The following DDX60 variants were observed in gnomAD, a reference collection of about 807,000 sequenced individuals.
DDX60 encodes the protein probable ATP-dependent RNA helicase DDX60.
DDX60 carries 165 observed loss-of-function variants against 212.8 expected under a neutral mutation model. The observed-to-expected ratio is 0.78, with a 90% CI of 0.68 to 0.88. The LOEUF is 0.88. Ranked by LOEUF, DDX60 falls within the 40% of genes least tolerant of loss-of-function variation. DDX60 has a pLI of 0.00. For synonymous variants in DDX60, 703 were observed against 685.3 expected (o/e 1.03, Z -0.40); for missense variants, 1,905 against 2,003.9 (o/e 0.95, Z 0.94).
intron 33 of DDX60, among the ~76,000 whole-genome samples, chr4:168,233,482 G>A (rs930479260): frequency 1.3e-5 from 2 of 152,054 alleles, no homozygotes; most frequent in African/African-American, 4.8e-5. Context: ...TCAATGAGTG[G>A]ATAAAGAAAA....
intron 22 of DDX60, 99 bp from the exon 23 acceptor site, chr4:168,262,886 A>C (rs1264978066): frequency 2.9e-6 from 2 of 682,000 alleles, no homozygotes; most frequent in Non-Finnish European, 4.6e-6. Flanking sequence ...CTGAAAGGCA[A>C]TAAACTAAAA....
At position 168,252,625 on chromosome 4, in the gene DDX60, C is replaced by A. The variant is rs771568045; in HGVS notation, c.3589G>T (p.Val1197Leu). The change falls in exon 27 of 38, where the codon GTG becomes TTG. Residue 1197 changes from valine (V) to leucine (L), a missense_variant. Coordinates refer to ENST00000393743, the MANE Select transcript of DDX60 (RefSeq NM_017631.6). The stretch of plus-strand genomic sequence containing the variant: ...GCTTCATGTATTAGGCTTTGATCCA[C>A]ATTTCTGGTTTTTTTCTGGCTCTTT... Reference protein sequence around the residue: ...DEKSQKKTRNVDQSLIHEAEH... With the variant: ...DEKSQKKTRNLDQSLIHEAEH... 1 of 1,611,134 alleles carries A rather than the reference C, an allele frequency of 6.2e-7. No individual in the cohort carries two copies. Among genetic ancestry groups the A allele is most frequent in the Admixed American group, 1.7e-5 (1 of 59,750 alleles).
chr4:168,323,295 G>C (rs1021422513), upstream of DDX60, among the ~76,000 whole-genome samples: 5 of 152,142 alleles, frequency 3.3e-5, no homozygotes, highest in African/African-American at 1.2e-4. Context: ...ATTTAGAGGT[G>C]CCCCCATTAT....
At chr4:168,317,290 A>C (rs1458124511) in intron 1 of DDX60, among the ~76,000 whole-genome samples, 1 of 152,098 alleles carries the variant, frequency 6.6e-6, no homozygotes, top group Non-Finnish European at 1.5e-5. Context: ...CGAATAAATT[A>C]AAAGGGGATG....
At chr4:168,244,732 AAAAGAAAAAAG>A (rs964666298) in intron 30 of DDX60, among the ~76,000 whole-genome samples, 1 of 146,112 alleles carries the variant, frequency 6.8e-6, no homozygotes, top group Non-Finnish European at 1.5e-5. Context: ...CTCAAAAAAG[AAAAGAAAAAAG>A]AAAGAAAAAA....
rs1205573620 is a variant in DDX60 at position 168,273,266 on chromosome 4, T to G, written c.2574+13A>C. The G allele has an allele frequency of 2.5e-6, 4 of 1,608,288 alleles. No individual in the cohort carries two copies. Among genetic ancestry groups the G allele is most frequent in the Non-Finnish European group, 2.5e-6 (3 of 1,177,782 alleles). On this transcript the variant is annotated intron_variant, in intron 18 of 37. Transcript: ENST00000393743. Reference sequence around the variant, plus strand: ...ATAATTTGATAACACACTTATTAATTAAAATACCCTACCTGACAGTTTAAG... The same window carrying G: ...ATAATTTGATAACACACTTATTAATGAAAATACCCTACCTGACAGTTTAAG...
chr4:168,220,599 A>G (rs1733018586), intron 37 of DDX60, 56 bp downstream of exon 37: 1 of 1,055,908 alleles, frequency 9.5e-7, no homozygotes, highest in Non-Finnish European at 1.3e-6. Flanking sequence ...AACATTTTTC[A>G]AATTATAAAT....
intron 12 of DDX60, among the ~76,000 whole-genome samples, chr4:168,283,808 C>G (rs1579047636): frequency 6.6e-6 from 1 of 151,026 alleles, no homozygotes; most frequent in East Asian, 1.9e-4. Context: ...AACACACTTT[C>G]ATGGTCTACC....
At chr4:168,282,190 G>A (rs1735622867) in intron 13 of DDX60, among the ~76,000 whole-genome samples, 1 of 152,190 alleles carries the variant, frequency 6.6e-6, no homozygotes, top group Admixed American at 6.5e-5. Context: ...AACAAAAGAT[G>A]GGACAGCCCA....
At chr4:168,310,766 T>C (rs1737094290) in intron 3 of DDX60, among the ~76,000 whole-genome samples, 1 of 152,188 alleles carries the variant, frequency 6.6e-6, no homozygotes, top group African/African-American at 2.4e-5. Context: ...TCAATCCTTG[T>C]TACAAAGTTA....
At chr4:168,219,197 C>T (rs2149488973) in intron 37 of DDX60, among the ~76,000 whole-genome samples, 1 of 151,010 alleles carries the variant, frequency 6.6e-6, no homozygotes, top group Middle Eastern at 3.4e-3. Flanking sequence ...GAGGCTTAGG[C>T]AGGAGAATTG....
At chr4:168,235,147 A>G (rs1473046612) in intron 33 of DDX60, among the ~76,000 whole-genome samples, 1 of 151,856 alleles carries the variant, frequency 6.6e-6, no homozygotes. Context: ...TATTTAATAT[A>G]ATGGGACTTT....
intron 7 of DDX60, among the ~76,000 whole-genome samples, chr4:168,292,524 G>A (rs1736155818): frequency 6.6e-6 from 1 of 152,122 alleles, no homozygotes; most frequent in Non-Finnish European, 1.5e-5. Context: ...AGCTGATCGA[G>A]CAACTAATAA....
intron 6 of DDX60, among the ~76,000 whole-genome samples, chr4:168,297,382 G>GAGAGAGAGAGAGAA (rs1560870698): frequency 7.5e-5 from 3 of 39,906 alleles, no homozygotes; most frequent in Non-Finnish European, 1.3e-4. Context: ...AAGAAAGAAA[G>GAGAGAGAGAGAGAA]AGAAAGAAAG....
chr4:168,304,245 T>C (rs971407579), intron 5 of DDX60, among the ~76,000 whole-genome samples: 1 of 152,154 alleles, frequency 6.6e-6, no homozygotes, highest in African/African-American at 2.4e-5. Flanking sequence ...CCCTGAAGAC[T>C]TTCCAGTGGG....
rs560605741 is a variant in DDX60 at position 168,314,489 on chromosome 4, A to G, written c.-106-3124T>C. Reference sequence around the variant, plus strand: ...TTAAAAATATTTCTCATAAAATAGTAACAGGCTGCTAGAGAGAGAGAAAGA... The same window carrying G: ...TTAAAAATATTTCTCATAAAATAGTGACAGGCTGCTAGAGAGAGAGAAAGA... On this transcript the variant is annotated intron_variant, in intron 1 of 37. Coordinates refer to ENST00000393743, the MANE Select transcript of DDX60 (RefSeq NM_017631.6). Among the ~76,000 whole-genome samples, 3 of 152,338 alleles carry G rather than the reference A, an allele frequency of 2.0e-5. No individual in the cohort carries two copies. In the South Asian group the frequency reaches 6.2e-4, roughly 32 times the overall value.
chr4:168,241,243 C>A (rs186891592), intron 30 of DDX60, among the ~76,000 whole-genome samples: 1 of 152,260 alleles, frequency 6.6e-6, no homozygotes, highest in African/African-American at 2.4e-5. Flanking sequence ...ATGTCTTTAT[C>A]AGCAGCATGA....
chr4:168,294,041 T>C, intron 6 of DDX60, 96 bp from the exon 7 acceptor site: 2 of 1,112,508 alleles, frequency 1.8e-6, no homozygotes, highest in South Asian at 2.0e-5. Context: ...GCTTAATACA[T>C]GTGTGACAAA....
intron 26 of DDX60, among the ~76,000 whole-genome samples, chr4:168,253,734 A>G (rs72693134): frequency 0.036 from 5,474 of 152,180 alleles, 137 homozygotes; most frequent in Non-Finnish European, 0.054. Context: ...CACACCTTCA[A>G]TAAATCCCTT....
Sources: allele counts gnomAD v4.1 joint callset (sites outside exome capture counted in the v4.1 genomes callset), GRCh38; gene constraint gnomAD v4.1.1; transcripts MANE v1.5; gene names NCBI Gene and HGNC (gene_info 2026-07-23, HGNC 2026-07-21).